The following NSD2 variants were observed in gnomAD, a reference collection of about 807,000 sequenced individuals.
The protein encoded by NSD2 is nuclear receptor binding SET domain protein 2.
In NSD2, 12 loss-of-function variants were observed where a neutral mutation model predicts 139.0. That is an observed-to-expected ratio of 0.09 (90% CI 0.06 to 0.14). The LOEUF (loss-of-function observed/expected upper bound fraction) is 0.14, where lower values mean the gene tolerates loss of function less well. Among genes scored for constraint, NSD2 ranks in the 10% least tolerant of loss-of-function variants. The pLI is 1.00. For synonymous variants in NSD2, 669 were observed against 648.7 expected, an observed-to-expected ratio of 1.03 and a Z score of -0.48; for missense variants, 1,155 against 1,745.0, an observed-to-expected ratio of 0.66 and a Z score of 6.02.
chr4:1,883,931 G>A (rs1353704474), intron 1 of NSD2, among the ~76,000 whole-genome samples: 1 of 152,224 alleles, frequency 6.6e-6, no homozygotes, highest in Admixed American at 6.5e-5. Flanking sequence ...GATAGAGGCT[G>A]AACTGTCACG....
chr4:1,977,790 CAAAA>C (rs111398358), intron 21 of NSD2, among the ~76,000 whole-genome samples: 9 of 96,082 alleles, frequency 9.4e-5, no homozygotes, highest in Admixed American at 8.1e-4. Flanking sequence ...AGACTCCACT[CAAAA>C]AAAAAAAAAA....
At chr4:1,946,903 G>A in intron 9 of NSD2, 2 of 1,059,132 alleles carry the variant, frequency 1.9e-6, no homozygotes, top group South Asian at 4.6e-5. Context: ...GTCCACATTT[G>A]TGTTTTTTTC....
intron 7 of NSD2, among the ~76,000 whole-genome samples, chr4:1,936,020 AT>A (rs1722348551): frequency 6.6e-6 from 1 of 152,238 alleles, no homozygotes; most frequent in African/African-American, 2.4e-5. Flanking sequence ...CCTAGATTTT[AT>A]TTAGTTTATT....
chr4:1,980,767 G>A lies in NSD2; in HGVS notation c.*1858G>A, dbSNP rs1046337227. 10 of 232,992 alleles carry A rather than the reference G, an allele frequency of 4.3e-5. No homozygotes were observed. Among genetic ancestry groups the A allele is most frequent in the African/African-American group, 6.6e-5 (3 of 45,332 alleles). The allele number at this position is 232,992 out of a possible 1,614,324, so 14.4% of individuals were successfully genotyped here. A position where few individuals can be genotyped will look rare whatever the true frequency, so the allele number is the denominator to read the frequency against. On this transcript the variant is annotated 3_prime_UTR_variant, in exon 22 of 22. Transcript: ENST00000508803. ...TAGCCACTGACTTGCTCGCGCGGCC[G>A]TGGCCTCTGAGGGGCACTCGCCGGT...
chr4:1,890,761 G>C (rs1201655659), intron 1 of NSD2, among the ~76,000 whole-genome samples: 1 of 151,540 alleles, frequency 6.6e-6, no homozygotes, highest in Non-Finnish European at 1.5e-5. Context: ...ACCACGCTTG[G>C]CTAATTTTCT....
rs1035534655 is a variant in NSD2 at position 1,976,940 on chromosome 4, A to G, written c.3826+261A>G. Among the ~76,000 whole-genome samples the G allele has an allele frequency of 1.3e-5, 2 of 152,260 alleles. No homozygotes were observed. The highest frequency in any genetic ancestry group is 2.9e-5 in the Non-Finnish European group (2 of 68,042). On this transcript the variant is annotated intron_variant, in intron 21 of 21. Transcript: ENST00000508803. The surrounding 1 kb of genome is among the most constrained non-coding windows in gnomAD (Gnocchi z 5.3). ...CTCCAGGAGGGATTCAGGCAGCCCA[A>G]GGCCCAGCTGCAGAATTGGGGCCCT...
chr4:1,944,497 A>G, intron 9 of NSD2: 1 of 1,065,760 alleles, frequency 9.4e-7, no homozygotes, highest in Non-Finnish European at 1.1e-6. Context: ...GACTCACTTC[A>G]GACCATCTTC....
chr4:1,928,666 GA>G (rs1721249545), intron 5 of NSD2, among the ~76,000 whole-genome samples: 1 of 152,050 alleles, frequency 6.6e-6, no homozygotes, highest in African/African-American at 2.4e-5. Flanking sequence ...CTGCTTTGAC[GA>G]AGCAGTAAAG....
chr4:1,876,528 A>C (rs1714272944), intron 1 of NSD2, among the ~76,000 whole-genome samples: 1 of 152,048 alleles, frequency 6.6e-6, no homozygotes, highest in African/African-American at 2.4e-5. Flanking sequence ...CCATCTCTAC[A>C]AAAATTTTTG....
intron 1 of NSD2, among the ~76,000 whole-genome samples, chr4:1,885,463 G>T (rs1321312257): frequency 6.6e-6 from 1 of 152,184 alleles, no homozygotes; most frequent in Non-Finnish European, 1.5e-5. Context: ...CTTGTAAGTT[G>T]ATAAAACTTC....
chr4:1,882,023 G>T (rs1370695086), intron 1 of NSD2, among the ~76,000 whole-genome samples: 1 of 152,198 alleles, frequency 6.6e-6, no homozygotes, highest in Non-Finnish European at 1.5e-5. Context: ...GCAATGTGAG[G>T]TTTTAAGGGT....
intron 3 of NSD2, among the ~76,000 whole-genome samples, chr4:1,909,786 G>A (rs1467376185): frequency 6.6e-6 from 1 of 151,342 alleles, no homozygotes; most frequent in Non-Finnish European, 1.5e-5. Context: ...GATTACAGGT[G>A]CACACCACTA....
intron 21 of NSD2, among the ~76,000 whole-genome samples, chr4:1,978,393 G>A (rs1195519610): frequency 6.6e-6 from 1 of 152,170 alleles, no homozygotes; most frequent in Non-Finnish European, 1.5e-5. Flanking sequence ...CCTCTCAGTT[G>A]CCGAAACATA....
At chr4:1,899,098 A>T (rs546826450) in intron 1 of NSD2, 1 of 152,360 alleles carries the variant, frequency 6.6e-6, no homozygotes, top group African/African-American at 2.4e-5. Context: ...TGCGGGTCAG[A>T]CAGAACACAT....
chr4:1,885,211 T>C (rs976914467), intron 1 of NSD2, among the ~76,000 whole-genome samples: 1 of 152,238 alleles, frequency 6.6e-6, no homozygotes, highest in Non-Finnish European at 1.5e-5. Context: ...CTTTTTAGGC[T>C]GAATGCATGT....
intron 1 of NSD2, among the ~76,000 whole-genome samples, chr4:1,878,237 A>ATGTATGTATATATATG: frequency 2.7e-4 from 8 of 29,878 alleles, no homozygotes; most frequent in African/African-American, 1.1e-3. Flanking sequence ...ATATATATAT[A>ATGTATGTATATATATG]TATATATATA....
chr4:1,897,248 G>GAGAT (rs1319673739), intron 1 of NSD2, among the ~76,000 whole-genome samples: 1 of 151,466 alleles, frequency 6.6e-6, no homozygotes, highest in Non-Finnish European at 1.5e-5. Context: ...TTGGGATGTT[G>GAGAT]AGATGGGAAG....
chr4:1,933,743 C>T (rs28694216), intron 6 of NSD2, among the ~76,000 whole-genome samples: 9,568 of 152,112 alleles, frequency 0.063, 1,040 homozygotes, highest in African/African-American at 0.22. Context: ...TGAACCCCTC[C>T]GTAAAGCAGT....
At chr4:1,889,933 C>T (rs1715402295) in intron 1 of NSD2, among the ~76,000 whole-genome samples, 1 of 152,076 alleles carries the variant, frequency 6.6e-6, no homozygotes, top group Non-Finnish European at 1.5e-5. Context: ...CTACCTAATT[C>T]CTAAACATTT....
Sources: allele counts gnomAD v4.1 joint callset (sites outside exome capture counted in the v4.1 genomes callset), GRCh38; gene constraint gnomAD v4.1.1; non-coding constraint Gnocchi (gnomAD v3.1); transcripts MANE v1.5; gene names NCBI Gene and HGNC (gene_info 2026-07-23, HGNC 2026-07-21).